The following LEMD1 variants were observed in gnomAD, a reference collection of about 807,000 sequenced individuals.
LEMD1 encodes the protein LEM domain containing 1, also known as LEM domain-containing protein 1.
In LEMD1, 18 loss-of-function variants were observed where a neutral mutation model predicts 17.4. That is an observed-to-expected ratio of 1.04 (90% CI 0.72 to 1.54). The LOEUF (loss-of-function observed/expected upper bound fraction) is 1.54, where lower values mean the gene tolerates loss of function less well. Among genes scored for constraint, LEMD1 ranks in the 40% most tolerant of loss-of-function variants. The pLI, the probability that LEMD1 is intolerant of heterozygous loss-of-function variation, is 0.00. For synonymous variants in LEMD1, 88 were observed against 77.8 expected, an observed-to-expected ratio of 1.13 and a Z score of -0.69; for missense variants, 195 against 210.4, an observed-to-expected ratio of 0.93 and a Z score of 0.45.
chr1:205,398,808 G>A (rs747681969), intron 4 of LEMD1, among the ~76,000 whole-genome samples: 4 of 152,218 alleles, frequency 2.6e-5, no homozygotes, highest in Non-Finnish European at 5.9e-5. Context: ...GGGCTCTCTT[G>A]TAGTAGGGGC....
intron 1 of LEMD1, among the ~76,000 whole-genome samples, chr1:205,445,595 C>CT (rs34785653): frequency 0.64 from 97,916 of 152,074 alleles, 34,943 homozygotes; most frequent in East Asian, 0.88. Flanking sequence ...GCTCCCTCCA[C>CT]TTTTCCAGAC....
intron 4 of LEMD1, among the ~76,000 whole-genome samples, chr1:205,405,430 C>T (rs1337023946): frequency 6.7e-6 from 1 of 148,920 alleles, no homozygotes; most frequent in Non-Finnish European, 1.5e-5. Context: ...CTAAACTTCC[C>T]TTCTCGCTTC....
chr1:205,418,831 T>C (rs575797886), intron 3 of LEMD1, among the ~76,000 whole-genome samples: 55 of 152,348 alleles, frequency 3.6e-4, no homozygotes, highest in Non-Finnish European at 6.8e-4. Flanking sequence ...TCTTTCTTAA[T>C]AGGCATAAAA....
At position 205,416,257 on chromosome 1, in the gene LEMD1, G is replaced by A; in HGVS notation, c.245C>T (p.Thr82Ile). 1 of 1,548,052 alleles carries A rather than the reference G, an allele frequency of 6.5e-7. No homozygotes were observed. Among genetic ancestry groups the A allele is most frequent in the South Asian group, 1.2e-5 (1 of 83,906 alleles). ...TTTTTTGAGTTTCTTGCTTTTTTCTGTTGAGAGTATGATATTTCCTTGCAA... is the reference window on the plus strand; with the variant it reads ...TTTTTTGAGTTTCTTGCTTTTTTCTATTGAGAGTATGATATTTCCTTGCAA... Reference protein sequence around the residue: ...IILQGNIILSTEKSKKLKKWP... With the variant: ...IILQGNIILSIEKSKKLKKWP... Residue 82 changes from threonine to isoleucine, a missense_variant, in exon 4 of 6, where the codon ACA (threonine) becomes ATA (isoleucine). Physicochemically the swap from Thr to Ile is moderately conservative, Grantham distance 89. Coordinates refer to ENST00000367153, the MANE Select transcript of LEMD1 (RefSeq NM_001199050.2).
intron 1 of LEMD1, 139 bp from the exon 2 acceptor site, chr1:205,420,713 T>C: frequency 1.7e-6 from 1 of 586,058 alleles, no homozygotes; most frequent in Non-Finnish European, 3.0e-6. Flanking sequence ...ATCAACACTT[T>C]CTAGTTCTGC....
rs540883612 is a variant in LEMD1, at chr1:205,433,750, C to T, written c.-38-13176G>A. 2.6e-4 allele frequency among the ~76,000 whole-genome samples: 40 copies of T among 152,296 alleles called. No homozygotes were observed. The South Asian group carries it at 4.4e-3, about 17-fold the overall frequency. On this transcript the variant is annotated intron_variant, in intron 1 of 3. Transcript: ENST00000367154. ...GACCACTTAACAAACACTTAGTGAG[C>T]GCTTTGTGCTAGGCATCATGGTGGC...
chr1:205,448,930 G>A lies in LEMD1; in HGVS notation c.-39+938C>T. On this transcript the variant is annotated intron_variant, in intron 1 of 3. Transcript: ENST00000367154. This position sits in a 1 kb window ranked among gnomAD's most constrained non-coding sequence, Gnocchi z 4.7. ...TTTAGAGGGGTTAAATAGGTTTCTTGAGTGCCCCCAGGGGTGGGGGCTGGG... is the reference window on the plus strand; with the variant it reads ...TTTAGAGGGGTTAAATAGGTTTCTTAAGTGCCCCCAGGGGTGGGGGCTGGG... Among the ~76,000 whole-genome samples, 1 of 152,160 alleles carries A rather than the reference G, an allele frequency of 6.6e-6. No homozygotes were observed. Among genetic ancestry groups the A allele is most frequent in the East Asian group, 1.9e-4 (1 of 5,176 alleles).
chr1:205,389,984 CT>C (rs1417152168), intron 4 of LEMD1, among the ~76,000 whole-genome samples: 4 of 152,136 alleles, frequency 2.6e-5, no homozygotes, highest in Non-Finnish European at 5.9e-5. Context: ...AACTAAAAGG[CT>C]TTAAAAATTA....
At chr1:205,393,183 A>T (rs890943198) in intron 4 of LEMD1, among the ~76,000 whole-genome samples, 2 of 152,192 alleles carry the variant, frequency 1.3e-5, no homozygotes, top group Non-Finnish European at 2.9e-5. Context: ...CAGTCTAAAG[A>T]TGGGCAAAGG....
chr1:205,388,224 A>G (rs4950997), intron 4 of LEMD1, among the ~76,000 whole-genome samples: 24,654 of 150,546 alleles, frequency 0.16, 2,100 homozygotes, highest in Admixed American at 0.21. Flanking sequence ...TTTGTGACAG[A>G]GTCTTGCTCT....
At chr1:205,397,153 C>T (rs12090758) in intron 4 of LEMD1, among the ~76,000 whole-genome samples, 2 of 152,096 alleles carry the variant, frequency 1.3e-5, no homozygotes, top group African/African-American at 4.8e-5. Flanking sequence ...TTTGCTTCCG[C>T]GGGAAAACAG....
At chr1:205,402,513 T>G (rs2102388886) in intron 4 of LEMD1, among the ~76,000 whole-genome samples, 1 of 152,344 alleles carries the variant, frequency 6.6e-6, no homozygotes, top group Non-Finnish European at 1.5e-5. Context: ...CTGTTATTGG[T>G]GTATAAGAAT....
At position 205,411,847 on chromosome 1, in the gene LEMD1, G is replaced by A. The variant is rs1011693261; in HGVS notation, c.270+4385C>T. Among the ~76,000 whole-genome samples the A allele has an allele frequency of 6.6e-5, 10 of 152,134 alleles. No individual in the cohort carries two copies. The South Asian group carries it at 1.5e-3, about 22-fold the overall frequency. On this transcript the variant is annotated intron_variant, in intron 4 of 5. Transcript: ENST00000367153. ...AGTAAACTGAGATTCTGGCAGGGAC[G>A]AGCATGTTGTGCTTGGGAGAGGGTA...
At chr1:205,409,460 A>G (rs56275829) in intron 4 of LEMD1, among the ~76,000 whole-genome samples, 6 of 152,032 alleles carry the variant, frequency 3.9e-5, no homozygotes, top group Non-Finnish European at 2.9e-5. Flanking sequence ...GCATATTTTA[A>G]CTCAATCTTC....
chr1:205,388,694 AAT>A (rs372439126), intron 4 of LEMD1, among the ~76,000 whole-genome samples: 78 of 152,362 alleles, frequency 5.1e-4, no homozygotes, highest in African/African-American at 1.9e-3. Context: ...CATCATTGAA[AAT>A]ATGTCAAAAC....
intron 4 of LEMD1, among the ~76,000 whole-genome samples, chr1:205,411,101 AAG>A (rs1665378446): frequency 6.7e-6 from 1 of 149,424 alleles, no homozygotes. Context: ...AGAAAGAAAA[AAG>A]AAAGAAAGGA....
chr1:205,406,428 G>A (rs1665109656), intron 4 of LEMD1, among the ~76,000 whole-genome samples: 2 of 151,618 alleles, frequency 1.3e-5, no homozygotes, highest in African/African-American at 2.4e-5. Flanking sequence ...CCCTCCCCCA[G>A]CCTGGCTGCC....
intron 4 of LEMD1, chr1:205,385,956 CA>C (rs1460348813): frequency 1.3e-5 from 2 of 152,562 alleles, no homozygotes; most frequent in East Asian, 3.8e-4. Context: ...GAACAAGAAG[CA>C]CAAGGAAAGT....
At chr1:205,412,199 C>T (rs1039551836) in intron 4 of LEMD1, among the ~76,000 whole-genome samples, 2 of 152,124 alleles carry the variant, frequency 1.3e-5, no homozygotes, top group African/African-American at 2.4e-5. Flanking sequence ...ACCAATCAAC[C>T]CCAAATCCCA....
Sources: allele counts gnomAD v4.1 joint callset (sites outside exome capture counted in the v4.1 genomes callset), GRCh38; gene constraint gnomAD v4.1.1; non-coding constraint Gnocchi (gnomAD v3.1); transcripts MANE v1.5; gene names NCBI Gene and HGNC (gene_info 2026-07-23, HGNC 2026-07-21).